Variants in TRAPPC8 observed in about 807,000 individuals in gnomAD.
The protein encoded by TRAPPC8 is trafficking protein particle complex subunit 8, also known as general sporulation gene 1 homolog.
A neutral mutation model predicts 174.3 loss-of-function variants in TRAPPC8; 54 were observed. That is an observed-to-expected ratio of 0.31 (90% CI 0.25 to 0.39). TRAPPC8 has a LOEUF of 0.39. TRAPPC8 is among the 10% of genes least tolerant of loss of function. TRAPPC8 has a pLI of 1.00. For missense variants in TRAPPC8, 1,531 were observed against 1,699.1 expected, an observed-to-expected ratio of 0.90 and a Z score of 1.74; for synonymous variants, 630 against 579.9, an observed-to-expected ratio of 1.09 and a Z score of -1.24.
In TRAPPC8 at chr18:31,829,534, A is replaced by T. The variant is rs1180122041; in HGVS notation, c.*1221T>A. 1.3e-5 allele frequency: 2 copies of T among 152,308 alleles called. No individual in the cohort carries two copies. Among genetic ancestry groups the T allele is most frequent in the Non-Finnish European group, 2.9e-5 (2 of 68,104 alleles). 9.4% of individuals were successfully genotyped at this position (152,308 alleles called of 1,614,324 possible). A position where few individuals can be genotyped will look rare whatever the true frequency, so the allele number is the denominator to read the frequency against. ...AGAAGCATAAGCAGCAGTTGCAGAGAGGCACACAGACTAGCCACCCATCTC... is the reference window on the plus strand; with the variant it reads ...AGAAGCATAAGCAGCAGTTGCAGAGTGGCACACAGACTAGCCACCCATCTC... On this transcript the variant is annotated 3_prime_UTR_variant, in exon 29 of 29. Transcript: ENST00000283351.
At chr18:31,899,034 T>C (rs962128368) in intron 10 of TRAPPC8, among the ~76,000 whole-genome samples, 4 of 152,192 alleles carry the variant, frequency 2.6e-5, no homozygotes, top group African/African-American at 9.6e-5. Flanking sequence ...TATACTGACT[T>C]GTCATAAACT....
At chr18:31,847,462 C>T (rs552667133) in intron 25 of TRAPPC8, among the ~76,000 whole-genome samples, 2 of 152,206 alleles carry the variant, frequency 1.3e-5, no homozygotes, top group African/African-American at 2.4e-5. Flanking sequence ...AACACAAAGG[C>T]TTAATTTTTT....
intron 2 of TRAPPC8, 57 bp from the exon 3 acceptor site, chr18:31,917,724 A>G: frequency 6.7e-7 from 1 of 1,496,588 alleles, no homozygotes; most frequent in East Asian, 2.3e-5. Flanking sequence ...AGTTTACAAC[A>G]GACAAAATTT....
At position 31,837,718 on chromosome 18, in the gene TRAPPC8, A is replaced by G. The variant is rs187701394; in HGVS notation, c.3983+1594T>C. Among the ~76,000 whole-genome samples, 347 of 152,150 alleles carry G rather than the reference A, an allele frequency of 2.3e-3. 3 individuals are homozygous for G. The highest frequency in any genetic ancestry group is 8.1e-3 in the African/African-American group (335 of 41,470). On this transcript the variant is annotated intron_variant, in intron 27 of 28. Transcript: ENST00000283351. The stretch of plus-strand genomic sequence containing the variant: ...GTCTCAGAAAAATTTAAAAAAAGAA[A>G]AAGAAGAAGAAGAAAAAAAAATATT...
chr18:31,844,792 T>C (rs542462498), intron 26 of TRAPPC8, among the ~76,000 whole-genome samples: 1 of 151,428 alleles, frequency 6.6e-6, no homozygotes, highest in African/African-American at 2.4e-5. Flanking sequence ...CCGCACAAAT[T>C]ACTTACTATT....
intron 12 of TRAPPC8, among the ~76,000 whole-genome samples, chr18:31,878,366 C>CA (rs1419970286): frequency 6.6e-6 from 1 of 151,728 alleles, no homozygotes; most frequent in Non-Finnish European, 1.5e-5. Flanking sequence ...AAAACAAAAA[C>CA]AAAAAAACTA....
intron 1 of TRAPPC8, among the ~76,000 whole-genome samples, chr18:31,939,161 A>C (rs2038226084): frequency 6.6e-6 from 1 of 151,778 alleles, no homozygotes; most frequent in African/African-American, 2.4e-5. Context: ...TAGGTGGTAA[A>C]GAATTCTAAA....
At chr18:31,932,167 C>A (rs887485909) in intron 1 of TRAPPC8, among the ~76,000 whole-genome samples, 1 of 152,004 alleles carries the variant, frequency 6.6e-6, no homozygotes, top group Non-Finnish European at 1.5e-5. Flanking sequence ...CGGTGGCTCA[C>A]GCCTATAATC....
intron 12 of TRAPPC8, among the ~76,000 whole-genome samples, chr18:31,880,954 T>C (rs1425753191): frequency 6.6e-6 from 1 of 150,592 alleles, no homozygotes; most frequent in Non-Finnish European, 1.5e-5. Context: ...ACCAAGGAGG[T>C]AAAAGAGAAC....
chr18:31,933,218 G>A (rs971940193), intron 1 of TRAPPC8, among the ~76,000 whole-genome samples: 1 of 149,974 alleles, frequency 6.7e-6, no homozygotes, highest in Non-Finnish European at 1.5e-5. Context: ...GGAGAATGGT[G>A]TGAACCCGGC....
chr18:31,870,596 T>C, intron 15 of TRAPPC8, 94 bp from the exon 16 acceptor site: 2 of 1,359,552 alleles, frequency 1.5e-6, no homozygotes, highest in Non-Finnish European at 2.0e-6. Context: ...TTCATAGCTC[T>C]GCATTTCTGC....
chr18:31,914,148 AAGG>A (rs2037035435), intron 4 of TRAPPC8, among the ~76,000 whole-genome samples: 1 of 150,942 alleles, frequency 6.6e-6, no homozygotes, highest in South Asian at 2.1e-4. Flanking sequence ...AAAAAAAAAA[AAGG>A]AGGAAAAACA....
Position 31,830,669 on chromosome 18 carries a change from T to C in TRAPPC8, c.*86A>G. On this transcript the variant is annotated 3_prime_UTR_variant, in exon 29 of 29. Transcript: ENST00000283351. Reference sequence around the variant, plus strand: ...GGGATCAGATATCAATCAACCTCCATAACAAGTTAGGTATATCAAATACTG... The same window carrying C: ...GGGATCAGATATCAATCAACCTCCACAACAAGTTAGGTATATCAAATACTG... 1.7e-6 allele frequency: 2 copies of C among 1,151,708 alleles called. No individual in the cohort carries two copies. The highest frequency in any genetic ancestry group is 2.4e-6 in the Non-Finnish European group (2 of 816,466). The allele number at this position is 1,151,708 out of a possible 1,614,324, so 71.3% of individuals were successfully genotyped here. A position where few individuals can be genotyped will look rare whatever the true frequency, so the allele number is the denominator to read the frequency against.
rs547208663 is a variant in TRAPPC8, at chr18:31,841,752, T to C, written c.3838-2295A>G. ...CTCACAGGGTTGTAATTTTAAGTAC[T>C]GATGTGAACCAACACTTGACAAATA... On this transcript the variant is annotated intron_variant, in intron 26 of 28. Transcript: ENST00000283351. Among the ~76,000 whole-genome samples the C allele has an allele frequency of 5.9e-5, 9 of 152,310 alleles. No individual in the cohort carries two copies. In the East Asian group the frequency reaches 1.7e-3, roughly 29 times the overall value.
chr18:31,867,290 T>G (rs537542046), intron 17 of TRAPPC8, 112 bp downstream of exon 17: 3 of 855,068 alleles, frequency 3.5e-6, no homozygotes, highest in South Asian at 3.3e-5. Context: ...CTTCCAAATT[T>G]TAGTTCTTAA....
At chr18:31,918,571 A>G (rs2037245432) in intron 2 of TRAPPC8, among the ~76,000 whole-genome samples, 1 of 152,220 alleles carries the variant, frequency 6.6e-6, no homozygotes. Context: ...AGACAAGACA[A>G]GACAGCCCCC....
intron 26 of TRAPPC8, among the ~76,000 whole-genome samples, chr18:31,843,082 C>G (rs1456933277): frequency 6.6e-6 from 1 of 152,008 alleles, no homozygotes; most frequent in African/African-American, 2.4e-5. Flanking sequence ...GAAAGACTTT[C>G]CTTTTATAAA....
intron 21 of TRAPPC8, among the ~76,000 whole-genome samples, chr18:31,855,100 G>A (rs996153919): frequency 6.6e-6 from 1 of 152,080 alleles, no homozygotes; most frequent in Non-Finnish European, 1.5e-5. Context: ...TACTTGGGAG[G>A]CTGAGGCATG....
At chr18:31,899,665 G>A (rs1011614468) in intron 10 of TRAPPC8, among the ~76,000 whole-genome samples, 3 of 152,158 alleles carry the variant, frequency 2.0e-5, no homozygotes, top group Non-Finnish European at 4.4e-5. Flanking sequence ...ATAATACATG[G>A]GCCTGGCGCG....
Sources: allele counts gnomAD v4.1 joint callset (sites outside exome capture counted in the v4.1 genomes callset), GRCh38; gene constraint gnomAD v4.1.1; transcripts MANE v1.5; gene names NCBI Gene and HGNC (gene_info 2026-07-23, HGNC 2026-07-21).